Variants in NOS1 observed in about 807,000 individuals in gnomAD.
The protein encoded by NOS1 is NOS type I.
A neutral mutation model predicts 164.5 loss-of-function variants in NOS1; 51 were observed. The observed-to-expected ratio is 0.31, with a 90% confidence interval of 0.25 to 0.39. The LOEUF is 0.39. Ranked by LOEUF, NOS1 falls within the 10% of genes least tolerant of loss-of-function variation. The pLI is 1.00. For synonymous variants in NOS1, 719 were observed against 745.8 expected (o/e 0.96, Z 0.59); for missense variants, 1,362 against 1,885.6 (o/e 0.72, Z 5.14).
intron 1 of NOS1, among the ~76,000 whole-genome samples, chr12:117,343,302 G>A (rs1418405563): frequency 1.3e-5 from 2 of 151,584 alleles, no homozygotes; most frequent in African/African-American, 4.9e-5. Flanking sequence ...GGAAAATGGG[G>A]GTGAAAGAAA....
intron 1 of NOS1, chr12:117,348,496 A>G (rs547216504): frequency 2.0e-5 from 3 of 152,304 alleles, no homozygotes; most frequent in Non-Finnish European, 2.9e-5. Context: ...TACCAACATC[A>G]TATCTTTGCA....
intron 9 of NOS1, among the ~76,000 whole-genome samples, chr12:117,276,290 ATTTT>A (rs886940198): frequency 6.7e-6 from 1 of 149,692 alleles, no homozygotes; most frequent in Admixed American, 6.7e-5. Context: ...CTTTCTAACT[ATTTT>A]TTTTTTGAGA....
rs1362362758 is a variant in NOS1 at position 117,247,559 on chromosome 12, CTGTGGGGAA to C, written c.2649-46_2649-38del. ...ATGACAGAATGTTCATGCTAAGGGA[CTGTGGGGAA>C]TGTGGGGAGTGTCTGGTGTAATGGG... On this transcript the variant is annotated intron_variant, in intron 17 of 28. Transcript: ENST00000317775. 3 of 1,568,708 alleles carry C rather than the reference CTGTGGGGAA, an allele frequency of 1.9e-6. No homozygotes were observed. In the African/African-American group the frequency reaches 4.1e-5, roughly 21 times the overall value.
intron 13 of NOS1, 65 bp from the exon 14 acceptor site, chr12:117,260,674 G>T: frequency 6.5e-7 from 1 of 1,542,842 alleles, no homozygotes; most frequent in Non-Finnish European, 8.9e-7. Flanking sequence ...TGCTGGATTG[G>T]GACTTTCGTG....
chr12:117,265,582 G>A, intron 11 of NOS1, 72 bp from the exon 12 acceptor site: 3 of 1,188,476 alleles, frequency 2.5e-6, no homozygotes, highest in Non-Finnish European at 3.4e-6. Flanking sequence ...CTGCCCCAAA[G>A]AGCAGCATTT....
chr12:117,305,193 T>A, intron 3 of NOS1: 2 of 559,938 alleles, frequency 3.6e-6, no homozygotes, highest in Non-Finnish European at 4.5e-6. Flanking sequence ...CTGGGAGCGG[T>A]GGCTCACGCC....
intron 13 of NOS1, among the ~76,000 whole-genome samples, chr12:117,262,013 C>A (rs894923139): frequency 6.6e-6 from 1 of 152,180 alleles, no homozygotes; most frequent in African/African-American, 2.4e-5. Context: ...CCTGTTGTAA[C>A]TAGAAATCTC....
At chr12:117,359,205 C>T (rs997134722) in intron 1 of NOS1, among the ~76,000 whole-genome samples, 4 of 134,860 alleles carry the variant, frequency 3.0e-5, no homozygotes, top group African/African-American at 5.8e-5. Flanking sequence ...CGGGGCCCGC[C>T]GTGGCGGTGC....
chr12:117,213,139 G>A lies in NOS1; in HGVS notation c.*2170C>T. On this transcript the variant is annotated 3_prime_UTR_variant, in exon 29 of 29. Coordinates refer to ENST00000317775, the MANE Select transcript of NOS1 (RefSeq NM_000620.5). Reference sequence around the variant, plus strand: ...CGCTTCTAAGTATTTATTCCCTGATGGAAAAGCATTCCTGCATAAAGCTTG... The same window carrying A: ...CGCTTCTAAGTATTTATTCCCTGATAGAAAAGCATTCCTGCATAAAGCTTG... 1 of 985,472 alleles carries A rather than the reference G, an allele frequency of 1.0e-6. No homozygotes were observed. The highest frequency in any genetic ancestry group is 1.2e-6 in the Non-Finnish European group (1 of 829,952). The allele number at this position is 985,472 out of a possible 1,614,324, so 61.0% of individuals were successfully genotyped here. A position where few individuals can be genotyped will look rare whatever the true frequency, so the allele number is the denominator to read the frequency against.
At position 117,330,743 on chromosome 12, in the gene NOS1, G is replaced by C. The variant is rs764846715; in HGVS notation, c.327C>G (p.Thr109=). ...GPEGFTTHLE[T]TFTGDGTPKT... is the part of the protein sequence containing the mutation. ...TGGGGGTCCCATCACCTGTAAAGGT[G>C]GTCTCCAGGTGCGTGGTGAAACCTT... The change falls in exon 2 of 29, where the codon ACC becomes ACG. Residue 109 remains threonine (T), a synonymous_variant. Transcript: ENST00000317775. The surrounding 1 kb of genome is among the most constrained non-coding windows in gnomAD (Gnocchi z 4.6). The C allele has an allele frequency of 1.9e-6, 3 of 1,613,952 alleles. No individual in the cohort carries two copies. Among genetic ancestry groups the C allele is most frequent in the Non-Finnish European group, 2.5e-6 (3 of 1,179,992 alleles).
chr12:117,341,929 A>G (rs1256832131), intron 1 of NOS1, among the ~76,000 whole-genome samples: 1 of 152,234 alleles, frequency 6.6e-6, no homozygotes, highest in Non-Finnish European at 1.5e-5. Context: ...GTCACTTTAG[A>G]TTACACATCA....
At chr12:117,233,034 C>CTTTTTTTT (rs34474757) in intron 21 of NOS1, among the ~76,000 whole-genome samples, 6 of 88,370 alleles carry the variant, frequency 6.8e-5, no homozygotes, top group South Asian at 4.7e-4. Flanking sequence ...TGCCTCACTA[C>CTTTTTTTT]TTTTTTTTTT....
At chr12:117,360,085 G>A (rs1314603548) in intron 1 of NOS1, among the ~76,000 whole-genome samples, 1 of 150,926 alleles carries the variant, frequency 6.6e-6, no homozygotes, top group Non-Finnish European at 1.5e-5. Context: ...GAGACTTACC[G>A]AAGGTCACGC....
At chr12:117,289,906 A>G (rs1247458148) in intron 4 of NOS1, among the ~76,000 whole-genome samples, 1 of 152,182 alleles carries the variant, frequency 6.6e-6, no homozygotes, top group African/African-American at 2.4e-5. Context: ...ACTGGAGCCC[A>G]TTGTATGAGT....
At chr12:117,353,429 C>T (rs755044056) in intron 1 of NOS1, among the ~76,000 whole-genome samples, 2 of 152,186 alleles carry the variant, frequency 1.3e-5, no homozygotes, top group Admixed American at 6.5e-5. Context: ...CTTAAGCACA[C>T]TTATCTTCAG....
Position 117,210,110 on chromosome 12 carries a change from C to A in NOS1, c.*5199G>T. On this transcript the variant is annotated 3_prime_UTR_variant, in exon 29 of 29. Transcript: ENST00000317775. Reference sequence around the variant, plus strand: ...GCCTCAGCCTCCCAAGTAGCTGGGACCACAGGAGCATGCCATCATGCCCAG... The same window carrying A: ...GCCTCAGCCTCCCAAGTAGCTGGGAACACAGGAGCATGCCATCATGCCCAG... The A allele has an allele frequency of 1.7e-6, 1 of 580,534 alleles. No homozygotes were observed. Among genetic ancestry groups the A allele is most frequent in the Non-Finnish European group, 2.2e-6 (1 of 460,266 alleles). The allele number at this position is 580,534 out of a possible 1,614,324, so 36.0% of individuals were successfully genotyped here.
At chr12:117,257,607 C>CTTTTTTTTTTTTTTTT (rs151304592) in intron 16 of NOS1, among the ~76,000 whole-genome samples, 8 of 99,120 alleles carry the variant, frequency 8.1e-5, no homozygotes, top group Admixed American at 1.3e-4. Context: ...TTGATTTTAG[C>CTTTTTTTTTTTTTTTT]TTTTTTTTTT....
At chr12:117,275,322 A>G (rs1873094421) in intron 9 of NOS1, among the ~76,000 whole-genome samples, 1 of 152,148 alleles carries the variant, frequency 6.6e-6, no homozygotes, top group African/African-American at 2.4e-5. Flanking sequence ...CAGCCATAAA[A>G]AAGAATGAAA....
chr12:117,227,420 C>T lies in NOS1; in HGVS notation c.3616+11G>A, dbSNP rs945598950. ...TGCAGCTGAGGAGGCTCTCCCAGTGCCTCCGCCCACCTCGAGTGCGGTAGG... is the reference window on the plus strand; with the variant it reads ...TGCAGCTGAGGAGGCTCTCCCAGTGTCTCCGCCCACCTCGAGTGCGGTAGG... On this transcript the variant is annotated intron_variant, in intron 23 of 28. Transcript: ENST00000317775. 7 of 1,613,444 alleles carry T rather than the reference C, an allele frequency of 4.3e-6. No homozygotes were observed. In the East Asian group the frequency reaches 1.6e-4, roughly 36 times the overall value.
Sources: gnomAD v4.1 joint callset for allele counts (sites outside exome capture counted in the v4.1 genomes callset) on GRCh38, gnomAD v4.1.1 for gene constraint, Gnocchi (gnomAD v3.1) non-coding constraint, MANE v1.5 for transcripts, NCBI Gene and HGNC (gene_info 2026-07-23, HGNC 2026-07-21) for gene names.